GPRC5B: variants seen among roughly 807,000 people sequenced by gnomAD.
GPRC5B encodes G protein-coupled receptor family C group 5 member B.
In GPRC5B, 16 loss-of-function variants were observed where a neutral mutation model predicts 30.1. The observed-to-expected ratio is 0.53, with a 90% CI of 0.36 to 0.81. The LOEUF (loss-of-function observed/expected upper bound fraction) is 0.81, where lower values mean the gene tolerates loss of function less well. GPRC5B is among the 30% of genes least tolerant of loss of function. The pLI, the probability that GPRC5B is intolerant of heterozygous loss-of-function variation, is 0.01. For missense variants in GPRC5B, 428 were observed against 544.7 expected, an observed-to-expected ratio of 0.79 and a Z score of 2.13; for synonymous variants, 241 against 239.5, an observed-to-expected ratio of 1.01 and a Z score of -0.06.
chr16:19,862,038 C>G, intron 2 of GPRC5B, 65 bp from the exon 3 acceptor site: 1 of 1,536,304 alleles, frequency 6.5e-7, no homozygotes, highest in African/African-American at 1.4e-5. Flanking sequence ...GTTTTCTTCC[C>G]CTGCAACAAC....
At chr16:19,883,292 T>G (rs766209339) in intron 1 of GPRC5B, among the ~76,000 whole-genome samples, 1 of 152,196 alleles carries the variant, frequency 6.6e-6, no homozygotes, top group South Asian at 2.1e-4. Context: ...TCCTTCCTCC[T>G]GGAATCTCCT....
intron 1 of GPRC5B, among the ~76,000 whole-genome samples, chr16:19,873,423 C>T (rs2056738712): frequency 6.9e-6 from 1 of 145,200 alleles, no homozygotes; most frequent in East Asian, 2.1e-4. Flanking sequence ...GAGCTCGTGC[C>T]ACTAAACTCC....
chr16:19,884,994 G>A, upstream of GPRC5B: 1 of 577,154 alleles, frequency 1.7e-6, no homozygotes. Context: ...GCGGTTCCGC[G>A]CGGGGCTAGG....
chr16:19,868,297 C>G (rs1011015646), intron 2 of GPRC5B, among the ~76,000 whole-genome samples: 2 of 152,016 alleles, frequency 1.3e-5, no homozygotes, highest in Non-Finnish European at 2.9e-5. Context: ...TTGCTTGAAC[C>G]TGGAGGCGGA....
chr16:19,858,704 C>A lies in GPRC5B; in HGVS notation c.*1796G>T, dbSNP rs543246512. The A allele has an allele frequency of 2.3e-3, 1,025 of 445,150 alleles. No homozygotes were observed. Among genetic ancestry groups the A allele is most frequent in the Non-Finnish European group, 3.0e-3 (765 of 253,366 alleles). The allele number at this position is 445,150 out of a possible 1,614,324, so 27.6% of individuals were successfully genotyped here. ...CTCCCACCCCTCCCCAGGACTCTTA[C>A]GTTTTCTGTCCACGCAATGACTGGA... is the stretch of plus-strand genomic sequence containing the variant. On this transcript the variant is annotated 3_prime_UTR_variant, in exon 4 of 4. Transcript: ENST00000300571.
chr16:19,869,333 CAAAAAAAA>C (rs35252104), intron 2 of GPRC5B, among the ~76,000 whole-genome samples: 3 of 61,990 alleles, frequency 4.8e-5, no homozygotes, highest in Admixed American at 3.4e-4. Context: ...GACTCTGCCT[CAAAAAAAA>C]AAAAAAAAAA....
chr16:19,870,989 C>T (rs2056712801), intron 2 of GPRC5B, among the ~76,000 whole-genome samples: 1 of 150,934 alleles, frequency 6.6e-6, no homozygotes, highest in African/African-American at 2.4e-5. Context: ...AAAAAAAAAG[C>T]TTAATAAAAA....
Position 19,872,028 on chromosome 16 carries a change from G to C in GPRC5B, c.818C>G (p.Ala273Gly). The C allele has an allele frequency of 6.2e-7, 1 of 1,614,074 alleles. No individual in the cohort carries two copies. The highest frequency in any genetic ancestry group is 8.5e-7 in the Non-Finnish European group (1 of 1,179,988). Residue 273 changes from alanine (A) to glycine (G), a missense_variant, in exon 2 of 4, where the codon GCC becomes GGC. Physicochemically the swap from Ala to Gly is moderately conservative, Grantham distance 60. Transcript: ENST00000300571. The surrounding 1 kb of genome is among the most constrained non-coding windows in gnomAD (Gnocchi z 5.0). Reference sequence around the variant, plus strand: ...CCAGCCGCTGGCCGCCAGCGTGATGGCCAAGGTGGGGTCGTTCCAGGCATC... The same window carrying C: ...CCAGCCGCTGGCCGCCAGCGTGATGCCCAAGGTGGGGTCGTTCCAGGCATC... ...QGDAWNDPTLAITLAASGWVF... is the reference protein window; with the variant it reads ...QGDAWNDPTLGITLAASGWVF...
chr16:19,879,420 A>ACACACACACAC (rs1693629891), intron 1 of GPRC5B, among the ~76,000 whole-genome samples: 1 of 151,314 alleles, frequency 6.6e-6, no homozygotes, highest in Non-Finnish European at 1.5e-5. Flanking sequence ...TCTCTCACAC[A>ACACACACACAC]CACACACACA....
At chr16:19,875,724 C>T (rs1281795857) in intron 1 of GPRC5B, among the ~76,000 whole-genome samples, 4 of 151,950 alleles carry the variant, frequency 2.6e-5, no homozygotes, top group South Asian at 2.1e-4. Flanking sequence ...GGTTTCAGTG[C>T]GCCAAGATCT....
Position 19,860,521 on chromosome 16 carries a change from G to A in GPRC5B, c.1191C>T (p.His397=), listed in dbSNP as rs2056612238. Residue 397 remains histidine, a synonymous_variant, in exon 4 of 4, where the codon CAC becomes CAT. Transcript: ENST00000300571. ...TCTTTCACCAAAGGTGTCTTCCTGT[G>A]TGACTTGGCGGAGCAGTTGGGATCT... is the stretch of plus-strand genomic sequence containing the variant. The part of the protein sequence containing the change: ...GGTIPTAPPS[H]TGRHLW 6.2e-7 allele frequency: 1 copy of A among 1,601,098 alleles called. No homozygotes were observed. The highest frequency in any genetic ancestry group is 8.6e-7 in the Non-Finnish European group (1 of 1,168,356).
intron 1 of GPRC5B, among the ~76,000 whole-genome samples, chr16:19,878,091 T>TG (rs2056772803): frequency 6.6e-6 from 1 of 151,650 alleles, no homozygotes; most frequent in Non-Finnish European, 1.5e-5. Flanking sequence ...CCCAGCTACT[T>TG]GGGGGACTGA....
At chr16:19,863,333 TA>T (rs2056641583) in intron 2 of GPRC5B, among the ~76,000 whole-genome samples, 1 of 151,878 alleles carries the variant, frequency 6.6e-6, no homozygotes, top group East Asian at 1.9e-4. Flanking sequence ...AATTTTTTAA[TA>T]TTTTTTTTTA....
At position 19,859,301 on chromosome 16, in the gene GPRC5B, G is replaced by A. The variant is rs2056601713; in HGVS notation, c.*1199C>T. The A allele has an allele frequency of 6.6e-6, 1 of 152,610 alleles. No individual in the cohort carries two copies. Among genetic ancestry groups the A allele is most frequent in the African/African-American group, 2.4e-5 (1 of 41,430 alleles). The allele number at this position is 152,610 out of a possible 1,614,324, so 9.5% of individuals were successfully genotyped here. ...AAATAACAAAGGAATGACTTGCTCA[G>A]GACAGATGGAAACCATGACAGAAAC... On this transcript the variant is annotated 3_prime_UTR_variant, in exon 4 of 4. Transcript: ENST00000300571.
At chr16:19,869,599 A>G (rs1279458825) in intron 2 of GPRC5B, among the ~76,000 whole-genome samples, 1 of 151,972 alleles carries the variant, frequency 6.6e-6, no homozygotes, top group East Asian at 1.9e-4. Context: ...GGTAGGTCCT[A>G]TTGGGTTCCT....
chr16:19,862,934 A>G (rs756890944), intron 2 of GPRC5B, among the ~76,000 whole-genome samples: 1 of 152,126 alleles, frequency 6.6e-6, no homozygotes, highest in East Asian at 1.9e-4. Context: ...CCCTGAAGGG[A>G]GCCACTTTTC....
intron 1 of GPRC5B, among the ~76,000 whole-genome samples, chr16:19,881,894 C>T (rs1482101436): frequency 6.6e-6 from 1 of 152,228 alleles, no homozygotes; most frequent in Non-Finnish European, 1.5e-5. Context: ...GGACTAGCCC[C>T]CATTTCTCCC....
chr16:19,860,753 C>T (rs1325104644), intron 3 of GPRC5B, among the ~76,000 whole-genome samples: 2 of 152,144 alleles, frequency 1.3e-5, no homozygotes, highest in Non-Finnish European at 2.9e-5. Flanking sequence ...ACCATCCACC[C>T]GTAAGGAATG....
In GPRC5B at chr16:19,871,802, G is replaced by C. The variant is rs757878235; in HGVS notation, c.1030+14C>G. On this transcript the variant is annotated intron_variant, in intron 2 of 3. Transcript: ENST00000300571. ...GTCCCCCGGCCTGACCCAGCCGGGT[G>C]GTGCCCACTTTACCTGCATTGTGTT... The C allele has an allele frequency of 1.1e-5, 17 of 1,606,960 alleles. No homozygotes were observed. Among genetic ancestry groups the C allele is most frequent in the Admixed American group, 5.0e-5 (3 of 59,940 alleles).
Sources: allele counts gnomAD v4.1 joint callset (sites outside exome capture counted in the v4.1 genomes callset), GRCh38; gene constraint gnomAD v4.1.1; non-coding constraint Gnocchi (gnomAD v3.1); transcripts MANE v1.5; gene names NCBI Gene and HGNC (gene_info 2026-07-23, HGNC 2026-07-21).